Variants in TMEM74 observed in about 807,000 individuals in gnomAD.
The protein encoded by TMEM74 is transmembrane protein 74.
A neutral mutation model predicts 18.1 loss-of-function variants in TMEM74; 13 were observed. The ratio of observed to expected loss-of-function variants is 0.72; its 90% confidence interval spans 0.47 to 1.14. The LOEUF (loss-of-function observed/expected upper bound fraction) is 1.14, where lower values mean the gene tolerates loss of function less well. Ranked by LOEUF, TMEM74 falls within the 50% of genes most tolerant of loss-of-function variation. TMEM74 has a pLI of 0.00. For missense variants in TMEM74, 372 were observed against 375.9 expected, an observed-to-expected ratio of 0.99 and a Z score of 0.09; for synonymous variants, 159 against 146.6, an observed-to-expected ratio of 1.08 and a Z score of -0.61.
intron 2 of TMEM74, among the ~76,000 whole-genome samples, chr8:108,626,118 C>T (rs1247009724): frequency 2.0e-5 from 3 of 152,006 alleles, no homozygotes; most frequent in Admixed American, 6.6e-5. Context: ...AGACAAATTT[C>T]TTTTAAAATG....
chr8:108,673,151 G>C (rs886378413), intron 1 of TMEM74, among the ~76,000 whole-genome samples: 5 of 152,140 alleles, frequency 3.3e-5, no homozygotes, highest in Non-Finnish European at 5.9e-5. Context: ...TAATAGCATG[G>C]CTAACTCCAT....
intron 1 of TMEM74, among the ~76,000 whole-genome samples, chr8:108,754,485 G>A (rs984386961): frequency 6.6e-6 from 1 of 151,718 alleles, no homozygotes; most frequent in South Asian, 2.1e-4. Context: ...AATAAAATAT[G>A]GCAAACATGA....
intron 2 of TMEM74, among the ~76,000 whole-genome samples, chr8:108,643,306 G>T (rs1812684292): frequency 6.6e-6 from 1 of 152,196 alleles, no homozygotes; most frequent in Non-Finnish European, 1.5e-5. Context: ...AGGTGATGCT[G>T]ATGCTGCTGG....
At chr8:108,735,679 C>A (rs1452529209) in intron 1 of TMEM74, among the ~76,000 whole-genome samples, 1 of 152,150 alleles carries the variant, frequency 6.6e-6, no homozygotes, top group Non-Finnish European at 1.5e-5. Context: ...CATTCACGTA[C>A]AAGTTTGTAT....
chr8:108,642,903 G>T (rs1812679792), intron 2 of TMEM74, among the ~76,000 whole-genome samples: 1 of 152,078 alleles, frequency 6.6e-6, no homozygotes, highest in South Asian at 2.1e-4. Flanking sequence ...TGATAATCTG[G>T]TAAAATTAGA....
intron 2 of TMEM74, among the ~76,000 whole-genome samples, chr8:108,617,763 A>G (rs1230233329): frequency 2.0e-5 from 3 of 152,188 alleles, no homozygotes; most frequent in African/African-American, 7.2e-5. Flanking sequence ...AAGGTCTTGG[A>G]AAGAGGAGGA....
At chr8:108,634,819 A>G (rs1402425799) in intron 2 of TMEM74, among the ~76,000 whole-genome samples, 1 of 152,010 alleles carries the variant, frequency 6.6e-6, no homozygotes, top group Non-Finnish European at 1.5e-5. Flanking sequence ...TATTCACAGC[A>G]CCAAGGAGCC....
intron 2 of TMEM74, chr8:108,652,409 C>T (rs1175324103): frequency 6.8e-6 from 2 of 294,362 alleles, no homozygotes. Flanking sequence ...GCTTAGAACA[C>T]AGTCACCTGG....
chr8:108,637,900 T>C (rs1243956457), intron 2 of TMEM74, among the ~76,000 whole-genome samples: 1 of 152,192 alleles, frequency 6.6e-6, no homozygotes, highest in Non-Finnish European at 1.5e-5. Flanking sequence ...TTACCGCTTG[T>C]ATATTTCTGG....
chr8:108,647,502 T>C (rs1039185229), intron 2 of TMEM74, among the ~76,000 whole-genome samples: 7 of 151,970 alleles, frequency 4.6e-5, no homozygotes, highest in South Asian at 2.1e-4. Context: ...AGCTGATCAA[T>C]GAAAGGCTAG....
intron 1 of TMEM74, among the ~76,000 whole-genome samples, chr8:108,664,811 G>A (rs566534137): frequency 1.3e-5 from 2 of 152,168 alleles, no homozygotes; most frequent in African/African-American, 2.4e-5. Flanking sequence ...GTAATAGTAA[G>A]TGGCAAAGCC....
chr8:108,724,480 G>C (rs1479726305), intron 1 of TMEM74, among the ~76,000 whole-genome samples: 2 of 152,268 alleles, frequency 1.3e-5, no homozygotes, highest in Non-Finnish European at 2.9e-5. Flanking sequence ...TTTTGAGTCT[G>C]TGGGATGATG....
At chr8:108,671,220 T>A (rs1227349261) in intron 1 of TMEM74, among the ~76,000 whole-genome samples, 1 of 152,200 alleles carries the variant, frequency 6.6e-6, no homozygotes, top group Non-Finnish European at 1.5e-5. Context: ...GTTATCCAAC[T>A]GTTTTTATAA....
Position 108,639,008 on chromosome 8 carries a change from G to A in TMEM74, n.264+16285C>T, listed in dbSNP as rs138024880. Among the ~76,000 whole-genome samples, 1,152 of 152,194 alleles carry A rather than the reference G, an allele frequency of 7.6e-3. 19 individuals carry two copies. The highest frequency in any genetic ancestry group is 0.025 in the African/African-American group (1,032 of 41,536). On this transcript the variant is annotated intron_variant and non_coding_transcript_variant, in intron 2 of 3. Transcript: ENST00000518838. ...GCCACCACCAGTGAACAGGCCATCA[G>A]TCTCCTGGAGAGATATGAGACATAT...
chr8:108,758,169 T>C (rs1471662395), intron 1 of TMEM74, among the ~76,000 whole-genome samples: 2 of 151,754 alleles, frequency 1.3e-5, no homozygotes, highest in African/African-American at 2.4e-5. Flanking sequence ...AAAAATCCCT[T>C]TACAAAAATA....
At position 108,617,672 on chromosome 8, in the gene TMEM74, C is replaced by T. The variant is rs536979067; in HGVS notation, n.265-8846G>A. On this transcript the variant is annotated intron_variant and non_coding_transcript_variant, in intron 2 of 3. Transcript: ENST00000518838. The stretch of plus-strand genomic sequence containing the variant: ...TGATCTAACAGGAAGAACCCAGACC[C>T]CATAAAAATGGAATGAATGGAATAT... Among the ~76,000 whole-genome samples the T allele has an allele frequency of 2.6e-5, 4 of 151,766 alleles. No individual in the cohort carries two copies. In the South Asian group the frequency reaches 6.3e-4, roughly 24 times the overall value.
chr8:108,651,120 T>C (rs1455013014), intron 2 of TMEM74, among the ~76,000 whole-genome samples: 3 of 152,118 alleles, frequency 2.0e-5, no homozygotes, highest in Admixed American at 2.0e-4. Context: ...CATCTAACAT[T>C]CTGTATATTC....
chr8:108,657,855 AAAAAATATATATATATATATATATATAT>A (rs1812853295), intron 1 of TMEM74, among the ~76,000 whole-genome samples: 1 of 60,136 alleles, frequency 1.7e-5, no homozygotes, highest in Non-Finnish European at 2.9e-5. Context: ...AAAAAAAAAA[AAAAAATATATATATATATATATATATAT>A]ATATATATAT....
At chr8:108,774,828 G>A (rs1031775802), downstream of TMEM74, among the ~76,000 whole-genome samples, 8 of 147,282 alleles carry the variant, frequency 5.4e-5, no homozygotes, top group Admixed American at 1.4e-4. Flanking sequence ...CCAACTCCTG[G>A]CCTTAAGTGA....
Sources: gnomAD v4.1 joint callset for allele counts (sites outside exome capture counted in the v4.1 genomes callset) on GRCh38, gnomAD v4.1.1 for gene constraint, MANE v1.5 for transcripts, NCBI Gene and HGNC (gene_info 2026-07-23, HGNC 2026-07-21) for gene names.